Variants in WWOX observed in about 807,000 individuals in gnomAD.
The protein encoded by WWOX is WW domain-containing oxidoreductase.
In WWOX, 69 loss-of-function variants were observed where a neutral mutation model predicts 46.2. The ratio of observed to expected loss-of-function variants is 1.49; its 90% CI spans 1.23 to 1.82. The LOEUF is 1.82. WWOX is among the 40% of genes most tolerant of loss of function. WWOX has a pLI of 0.00. For missense variants in WWOX, 919 were observed against 542.6 expected (o/e 1.69, Z -6.89); for synonymous variants, 359 against 202.6 (o/e 1.77, Z -6.56).
At chr16:79,037,451 A>G (rs991515027) in intron 8 of WWOX, among the ~76,000 whole-genome samples, 5 of 152,128 alleles carry the variant, frequency 3.3e-5, no homozygotes, top group African/African-American at 4.8e-5. Flanking sequence ...GGGGTTCGTT[A>G]CATCAAGTTG....
intron 8 of WWOX, among the ~76,000 whole-genome samples, chr16:79,081,889 C>T (rs1237745470): frequency 6.6e-6 from 1 of 152,160 alleles, no homozygotes. Flanking sequence ...CCTAGTTTCA[C>T]TCTGATGGGC....
At chr16:79,170,670 A>ATTT (rs35761134) in intron 8 of WWOX, among the ~76,000 whole-genome samples, 1 of 151,224 alleles carries the variant, frequency 6.6e-6, no homozygotes, top group African/African-American at 2.4e-5. Context: ...AGTTACTTCT[A>ATTT]TTTTTTTTTA....
At chr16:78,448,164 A>T (rs1382397032) in intron 8 of WWOX, among the ~76,000 whole-genome samples, 1 of 152,058 alleles carries the variant, frequency 6.6e-6, no homozygotes, top group Non-Finnish European at 1.5e-5. Context: ...CTTGCCCCCA[A>T]TCCATGCAAT....
chr16:78,622,831 G>C (rs911778638), intron 8 of WWOX, among the ~76,000 whole-genome samples: 1 of 152,154 alleles, frequency 6.6e-6, no homozygotes. Flanking sequence ...ATGAGCAGGG[G>C]GATCCTCCTG....
chr16:79,070,447 A>T (rs1044354220), intron 8 of WWOX, among the ~76,000 whole-genome samples: 6 of 152,072 alleles, frequency 3.9e-5, no homozygotes, highest in African/African-American at 1.4e-4. Flanking sequence ...CTTTTTCTTG[A>T]TGGATTGCTA....
chr16:78,542,914 C>G (rs2043932800), intron 8 of WWOX, among the ~76,000 whole-genome samples: 1 of 152,196 alleles, frequency 6.6e-6, no homozygotes, highest in African/African-American at 2.4e-5. Flanking sequence ...GCCCCAATGT[C>G]TTTCTGTAGC....
intron 5 of WWOX, among the ~76,000 whole-genome samples, chr16:78,195,297 C>G (rs1349818334): frequency 6.6e-6 from 1 of 152,178 alleles, no homozygotes; most frequent in Non-Finnish European, 1.5e-5. Flanking sequence ...ACAGATGCCT[C>G]CACCTGGCAG....
At chr16:78,946,157 C>A (rs918166752) in intron 8 of WWOX, among the ~76,000 whole-genome samples, 2 of 152,130 alleles carry the variant, frequency 1.3e-5, no homozygotes, top group East Asian at 1.9e-4. Context: ...TGCCGAGACA[C>A]CTCTGCCTAT....
chr16:78,959,317 T>C (rs1436615878), intron 8 of WWOX, among the ~76,000 whole-genome samples: 1 of 152,258 alleles, frequency 6.6e-6, no homozygotes, highest in East Asian at 1.9e-4. Context: ...CCTGTTGCTA[T>C]ATCTGCTGCC....
intron 7 of WWOX, among the ~76,000 whole-genome samples, chr16:78,430,640 A>G (rs776906458): frequency 6.6e-6 from 1 of 152,144 alleles, no homozygotes; most frequent in African/African-American, 2.4e-5. Context: ...GCCTTAGACA[A>G]TTAAGCTTGG....
chr16:78,569,834 C>A (rs939133548), intron 8 of WWOX, among the ~76,000 whole-genome samples: 1 of 152,168 alleles, frequency 6.6e-6, no homozygotes, highest in African/African-American at 2.4e-5. Context: ...AAACCATATT[C>A]GTAATATGAT....
intron 8 of WWOX, among the ~76,000 whole-genome samples, chr16:78,694,352 A>T (rs372856403): frequency 6.6e-6 from 1 of 152,188 alleles, no homozygotes; most frequent in Non-Finnish European, 1.5e-5. Context: ...TGCTTCTGCA[A>T]ATACTTGACA....
At chr16:79,176,107 A>C (rs1340755720) in intron 8 of WWOX, among the ~76,000 whole-genome samples, 1 of 152,204 alleles carries the variant, frequency 6.6e-6, no homozygotes, top group Non-Finnish European at 1.5e-5. Context: ...TTGTTTGCAC[A>C]CCTGTGTTGC....
intron 8 of WWOX, among the ~76,000 whole-genome samples, chr16:78,858,135 A>ATTGTGTGT (rs2052610005): frequency 1.0e-5 from 1 of 96,320 alleles, no homozygotes; most frequent in Admixed American, 1.2e-4. Flanking sequence ...ATATACATAC[A>ATTGTGTGT]TTGTGTGTTT....
intron 8 of WWOX, among the ~76,000 whole-genome samples, chr16:78,937,815 G>A (rs911718924): frequency 1.3e-5 from 2 of 151,064 alleles, no homozygotes; most frequent in African/African-American, 2.4e-5. Context: ...TTAAATAGAG[G>A]TCTGTTTTTA....
rs998218552 is a variant in WWOX, at chr16:79,099,397, G to A, written c.1057-112211G>A. On this transcript the variant is annotated intron_variant, in intron 8 of 8. Transcript: ENST00000566780. ...CGTGACAATTAGCCTTACTGCCGGG[G>A]AGACCATAAGGAGTGGTGGAGACTG... 7.2e-5 allele frequency among the ~76,000 whole-genome samples: 11 copies of A among 152,326 alleles called. No individual in the cohort carries two copies. The South Asian group carries it at 2.3e-3, about 32-fold the overall frequency.
At chr16:78,366,084 TAA>T in intron 5 of WWOX, among the ~76,000 whole-genome samples, 1 of 152,190 alleles carries the variant, frequency 6.6e-6, no homozygotes, top group African/African-American at 2.4e-5. Flanking sequence ...CTTAGCACCC[TAA>T]ATGCCCAGGT....
intron 1 of WWOX, among the ~76,000 whole-genome samples, chr16:78,102,611 C>G (rs557125297): frequency 6.6e-6 from 1 of 152,328 alleles, no homozygotes; most frequent in Admixed American, 6.5e-5. Context: ...TCCTTCAGAG[C>G]TGAGCTTACA....
At chr16:78,313,447 A>T (rs1213673098) in intron 5 of WWOX, among the ~76,000 whole-genome samples, 1 of 152,154 alleles carries the variant, frequency 6.6e-6, no homozygotes, top group Non-Finnish European at 1.5e-5. Context: ...GCTCACCACA[A>T]GCTCTGCCTC....
Sources: gnomAD v4.1 joint callset for allele counts (sites outside exome capture counted in the v4.1 genomes callset) on GRCh38, gnomAD v4.1.1 for gene constraint, MANE v1.5 for transcripts, NCBI Gene and HGNC (gene_info 2026-07-23, HGNC 2026-07-21) for gene names.